MCF2L2: variants seen among roughly 807,000 people sequenced by gnomAD.
MCF2L2 encodes the protein probable guanine nucleotide exchange factor MCF2L2.
In MCF2L2, 102 loss-of-function variants were observed where a neutral mutation model predicts 150.2. The observed-to-expected ratio is 0.68, with a 90% CI of 0.58 to 0.80. The LOEUF (loss-of-function observed/expected upper bound fraction) is 0.80, where lower values mean the gene tolerates loss of function less well. Ranked by LOEUF, MCF2L2 falls within the 30% of genes least tolerant of loss-of-function variation. MCF2L2 has a pLI of 0.00. For synonymous variants in MCF2L2, 465 were observed against 491.3 expected (o/e 0.95, Z 0.71); for missense variants, 1,256 against 1,372.8 (o/e 0.91, Z 1.34).
At chr3:183,249,928 G>A (rs943026134) in intron 15 of MCF2L2, among the ~76,000 whole-genome samples, 1 of 152,208 alleles carries the variant, frequency 6.6e-6, no homozygotes, top group Admixed American at 6.5e-5. Flanking sequence ...AGGAGACGGG[G>A]AGTCTCTGAG....
intron 15 of MCF2L2, among the ~76,000 whole-genome samples, chr3:183,262,213 A>G (rs939984721): frequency 6.6e-6 from 1 of 150,444 alleles, no homozygotes; most frequent in African/African-American, 2.5e-5. Flanking sequence ...TTGTTTTATG[A>G]TACTTTATTA....
chr3:183,260,703 T>A (rs565390483), intron 15 of MCF2L2, among the ~76,000 whole-genome samples: 1 of 152,314 alleles, frequency 6.6e-6, no homozygotes, highest in African/African-American at 2.4e-5. Context: ...TCTACACCCA[T>A]GTTTAACTTA....
At chr3:183,344,146 C>T (rs1474419967) in intron 3 of MCF2L2, among the ~76,000 whole-genome samples, 1 of 151,764 alleles carries the variant, frequency 6.6e-6, no homozygotes, top group Non-Finnish European at 1.5e-5. Flanking sequence ...ACCACCCCCC[C>T]CAAAAAAAGT....
intron 15 of MCF2L2, among the ~76,000 whole-genome samples, chr3:183,249,597 C>A (rs1340977262): frequency 6.6e-6 from 1 of 152,190 alleles, no homozygotes; most frequent in African/African-American, 2.4e-5. Context: ...GCTGTCAGTT[C>A]CCTTCACCTT....
chr3:183,340,519 T>A (rs1730655597), intron 4 of MCF2L2, among the ~76,000 whole-genome samples: 1 of 151,998 alleles, frequency 6.6e-6, no homozygotes, highest in Non-Finnish European at 1.5e-5. Flanking sequence ...CAGATAGGGA[T>A]CAAAATCAGA....
chr3:183,212,798 A>G (rs1285414968), intron 22 of MCF2L2, among the ~76,000 whole-genome samples: 3 of 152,032 alleles, frequency 2.0e-5, no homozygotes. Context: ...GCAAAGAGGT[A>G]TCTTCCTTTC....
Position 183,193,012 on chromosome 3 carries a change from T to G in MCF2L2, c.3003A>C (p.Thr1001=). The change falls in exon 27 of 30, where the codon ACA becomes ACC. Residue 1001 remains threonine (T), a synonymous_variant. Transcript: ENST00000328913. ...GACCCTCCCTACCTTTAATCCCTCC[T>G]GTGCTGGAGGCCGGGTCTTCCTTGC... is the stretch of plus-strand genomic sequence containing the variant. ...TTSKEDPASS[T]GGIKGCSSRE... is the part of the protein sequence containing the mutation. 6.2e-7 allele frequency: 1 copy of G among 1,614,010 alleles called. No individual in the cohort carries two copies. Among genetic ancestry groups the G allele is most frequent in the Middle Eastern group, 1.7e-4 (1 of 6,058 alleles).
intron 1 of MCF2L2, among the ~76,000 whole-genome samples, chr3:183,417,190 G>A (rs1406506866): frequency 1.3e-5 from 2 of 150,512 alleles, no homozygotes; most frequent in African/African-American, 4.9e-5. Flanking sequence ...GATGTGCATA[G>A]GTTAATCATT....
At chr3:183,291,942 G>C (rs1225494700) in intron 13 of MCF2L2, among the ~76,000 whole-genome samples, 2 of 152,222 alleles carry the variant, frequency 1.3e-5, no homozygotes, top group African/African-American at 2.4e-5. Flanking sequence ...CCAAGTCATA[G>C]ATGTGAACAT....
chr3:183,216,793 C>A (rs797006344), intron 21 of MCF2L2, among the ~76,000 whole-genome samples: 3 of 149,276 alleles, frequency 2.0e-5, no homozygotes, highest in African/African-American at 7.4e-5. Flanking sequence ...TTAGTAGAGA[C>A]GGAGTTTCGC....
intron 1 of MCF2L2, among the ~76,000 whole-genome samples, chr3:183,398,555 CT>C (rs947816978): frequency 5.3e-5 from 8 of 150,918 alleles, no homozygotes; most frequent in Non-Finnish European, 1.5e-5. Flanking sequence ...ATATAATATG[CT>C]TTTTTCTTTA....
chr3:183,427,791 C>A (rs1716243380), intron 1 of MCF2L2, 111 bp downstream of exon 1: 1 of 928,760 alleles, frequency 1.1e-6, no homozygotes, highest in East Asian at 2.5e-5. Flanking sequence ...GGCAACCCCC[C>A]AGGAAGCGCG....
At chr3:183,273,980 C>T (rs1373452903) in intron 15 of MCF2L2, among the ~76,000 whole-genome samples, 1 of 152,016 alleles carries the variant, frequency 6.6e-6, no homozygotes, top group African/African-American at 2.4e-5. Context: ...TTTGGGAGGC[C>T]GAGGCAAGTG....
intron 3 of MCF2L2, chr3:183,378,444 C>G (rs376937593): frequency 6.6e-6 from 1 of 152,162 alleles, no homozygotes; most frequent in Non-Finnish European, 1.5e-5. Flanking sequence ...CCGATTTAAG[C>G]GGCATAAAGA....
At chr3:183,238,196 C>A (rs1350914618) in intron 15 of MCF2L2, among the ~76,000 whole-genome samples, 4 of 151,030 alleles carry the variant, frequency 2.6e-5, no homozygotes, top group Admixed American at 2.6e-4. Flanking sequence ...TGTGGCCCAA[C>A]ACAAATTTGT....
intron 10 of MCF2L2, among the ~76,000 whole-genome samples, chr3:183,302,701 C>G (rs1181854427): frequency 1.3e-5 from 2 of 152,070 alleles, no homozygotes; most frequent in African/African-American, 2.4e-5. Flanking sequence ...TGACTCGACC[C>G]TTCTCTGGAT....
At chr3:183,193,887 T>C (rs1362936579) in intron 26 of MCF2L2, among the ~76,000 whole-genome samples, 2 of 152,224 alleles carry the variant, frequency 1.3e-5, no homozygotes, top group African/African-American at 4.8e-5. Flanking sequence ...TGGCCTCATC[T>C]GATTATTCAA....
At position 183,427,984 on chromosome 3, in the gene MCF2L2, G is replaced by C; in HGVS notation, c.-7C>G. ...CTTTTAAGCAAGACAGCATTTCACTGAAAAACCATTCCGTATAAATAAAGC... is the reference window on the plus strand; with the variant it reads ...CTTTTAAGCAAGACAGCATTTCACTCAAAAACCATTCCGTATAAATAAAGC... On this transcript the variant is annotated 5_prime_UTR_variant, in exon 1 of 30. Transcript: ENST00000328913. 6.2e-7 allele frequency: 1 copy of C among 1,610,082 alleles called. No individual in the cohort carries two copies. The highest frequency in any genetic ancestry group is 1.3e-5 in the African/African-American group (1 of 74,932).
Position 183,419,449 on chromosome 3 carries a change from T to A in MCF2L2, c.76+8453A>T, listed in dbSNP as rs371915523. On this transcript the variant is annotated intron_variant, in intron 1 of 29. Coordinates refer to ENST00000328913, the MANE Select transcript of MCF2L2 (RefSeq NM_015078.4). ...CCCCAGAAAATGGGTTTTTCTTTTC[T>A]ACCACATGGTCAGGTAGGCTGCAAA... Among the ~76,000 whole-genome samples, 137 of 152,382 alleles carry A rather than the reference T, an allele frequency of 9.0e-4. 5 individuals are homozygous for A. In the South Asian group the frequency reaches 0.028, roughly 32 times the overall value.
Sources: allele counts gnomAD v4.1 joint callset (sites outside exome capture counted in the v4.1 genomes callset), GRCh38; gene constraint gnomAD v4.1.1; transcripts MANE v1.5; gene names NCBI Gene and HGNC (gene_info 2026-07-23, HGNC 2026-07-21).